Variants in PTPRO observed in about 807,000 individuals in gnomAD.
PTPRO encodes the protein protein tyrosine phosphatase receptor type O.
A neutral mutation model predicts 145.2 loss-of-function variants in PTPRO; 62 were observed. The observed-to-expected ratio is 0.43, with a 90% confidence interval of 0.35 to 0.53. The LOEUF is 0.53. Ranked by LOEUF, PTPRO falls within the 20% of genes least tolerant of loss-of-function variation. PTPRO has a pLI of 0.01. For synonymous variants in PTPRO, 565 were observed against 514.7 expected (o/e 1.10, Z -1.32); for missense variants, 1,345 against 1,482.7 (o/e 0.91, Z 1.53).
chr12:15,387,136 C>T (rs931846936), intron 1 of PTPRO, among the ~76,000 whole-genome samples: 11 of 152,070 alleles, frequency 7.2e-5, no homozygotes, highest in African/African-American at 2.7e-4. Context: ...TGTGTGCACA[C>T]GTATCAAGAA....
chr12:15,578,715 G>A, intron 19 of PTPRO, 138 bp from the exon 20 acceptor site: 1 of 703,336 alleles, frequency 1.4e-6, no homozygotes, highest in South Asian at 1.5e-5. Flanking sequence ...GATGATAGTG[G>A]GGTGGAGTAC....
intron 12 of PTPRO, among the ~76,000 whole-genome samples, chr12:15,545,969 C>T (rs572621161): frequency 1.2e-4 from 18 of 151,162 alleles, no homozygotes; most frequent in Non-Finnish European, 2.4e-4. Flanking sequence ...GAGCTGTGTT[C>T]GCACTACTGC....
chr12:15,546,363 T>C, intron 12 of PTPRO: 1 of 1,405,550 alleles, frequency 7.1e-7, no homozygotes, highest in East Asian at 2.7e-5. Context: ...AGTAAAAAAA[T>C]GGAAGGGGGA....
intron 19 of PTPRO, among the ~76,000 whole-genome samples, chr12:15,574,779 A>G (rs1944142720): frequency 1.3e-5 from 2 of 152,176 alleles, no homozygotes; most frequent in African/African-American, 4.8e-5. Context: ...ATTTTTTGTA[A>G]TCATGCGATT....
chr12:15,508,349 T>C (rs1942365957), intron 6 of PTPRO, among the ~76,000 whole-genome samples: 1 of 152,146 alleles, frequency 6.6e-6, no homozygotes, highest in African/African-American at 2.4e-5. Flanking sequence ...GGCACTTTTG[T>C]TTCTGCTGTT....
intron 13 of PTPRO, 23 bp from the exon 14 acceptor site, chr12:15,549,071 T>C: frequency 3.1e-6 from 5 of 1,611,084 alleles, no homozygotes; most frequent in Non-Finnish European, 4.2e-6. Context: ...ACCTAAAATT[T>C]ACCTTATTTT....
chr12:15,452,523 G>A (rs545507165), intron 1 of PTPRO, among the ~76,000 whole-genome samples: 33 of 152,098 alleles, frequency 2.2e-4, no homozygotes, highest in Non-Finnish European at 1.9e-4. Flanking sequence ...ATACCAAAAC[G>A]GGGAAAGGAC....
chr12:15,467,629 A>T (rs1941446984), intron 1 of PTPRO, among the ~76,000 whole-genome samples: 1 of 152,196 alleles, frequency 6.6e-6, no homozygotes, highest in African/African-American at 2.4e-5. Context: ...CTCTAACCAG[A>T]GGGACCTTCC....
At chr12:15,589,417 C>A in intron 24 of PTPRO, 38 bp from the exon 25 acceptor site, 1 of 1,613,242 alleles carries the variant, frequency 6.2e-7, no homozygotes, top group Non-Finnish European at 8.5e-7. Flanking sequence ...AAAAGAAGCA[C>A]CATCTGAATA....
At chr12:15,500,083 G>GTGGGTGGATGGATGGATGGA (rs148826736) in intron 4 of PTPRO, among the ~76,000 whole-genome samples, 1 of 149,928 alleles carries the variant, frequency 6.7e-6, no homozygotes, top group Non-Finnish European at 1.5e-5. Flanking sequence ...AGATGGATGG[G>GTGGGTGGATGGATGGATGGA]TGGATGGATG....
intron 1 of PTPRO, among the ~76,000 whole-genome samples, chr12:15,345,370 A>G (rs1867165672): frequency 6.6e-6 from 1 of 152,198 alleles, no homozygotes; most frequent in African/African-American, 2.4e-5. Context: ...AATGCCCATC[A>G]ATGATAGACT....
chr12:15,579,021 C>A lies in PTPRO; in HGVS notation c.2920+78C>A, dbSNP rs139377555. On this transcript the variant is annotated intron_variant, in intron 20 of 26. Transcript: ENST00000281171. ...GTCATTGCAGATTAATCAATTTCAC[C>A]AATCTCTGGCCATACCCACTTGTGG... The A allele has an allele frequency of 6.7e-5, 87 of 1,289,654 alleles. No individual in the cohort carries two copies. In the African/African-American group the frequency reaches 1.2e-3, roughly 18 times the overall value. 79.9% of individuals were successfully genotyped at this position (1,289,654 alleles called of 1,614,324 possible). A position where few individuals can be genotyped will look rare whatever the true frequency, so the allele number is the denominator to read the frequency against.
Position 15,595,064 on chromosome 12 carries a change from G to A in PTPRO, c.*16+7G>A. 1 of 1,561,136 alleles carries A rather than the reference G, an allele frequency of 6.4e-7. No homozygotes were observed. The highest frequency in any genetic ancestry group is 8.8e-7 in the Non-Finnish European group (1 of 1,132,402). On this transcript the variant is annotated splice_region_variant and intron_variant, in intron 26 of 26. Coordinates refer to ENST00000281171, the MANE Select transcript of PTPRO (RefSeq NM_030667.3). ...TAGTTCAGAATCCGGAGCAGTAAGT[G>A]GAGAAGAGCTCTCCACGAGTGCTCA... is the stretch of plus-strand genomic sequence containing the variant.
intron 7 of PTPRO, among the ~76,000 whole-genome samples, chr12:15,511,145 T>A (rs983349006): frequency 6.6e-6 from 1 of 152,166 alleles, no homozygotes; most frequent in South Asian, 2.1e-4. Context: ...AACTAAATTC[T>A]CAGGAATGAA....
At chr12:15,469,541 T>C (rs1460908699) in intron 1 of PTPRO, among the ~76,000 whole-genome samples, 1 of 152,112 alleles carries the variant, frequency 6.6e-6, no homozygotes. Flanking sequence ...TTTAAACTTC[T>C]CAGCACAGTA....
At chr12:15,447,799 T>A (rs1940940134) in intron 1 of PTPRO, among the ~76,000 whole-genome samples, 1 of 152,164 alleles carries the variant, frequency 6.6e-6, no homozygotes. Context: ...AGTTCCTGGT[T>A]CCTTGGAAAC....
At chr12:15,415,515 G>A (rs1420206164) in intron 1 of PTPRO, among the ~76,000 whole-genome samples, 2 of 151,868 alleles carry the variant, frequency 1.3e-5, no homozygotes, top group Non-Finnish European at 2.9e-5. Flanking sequence ...CTCCCGAGTA[G>A]CTGGGACTAC....
chr12:15,383,561 G>A (rs987018035), intron 1 of PTPRO, among the ~76,000 whole-genome samples: 1 of 152,092 alleles, frequency 6.6e-6, no homozygotes, highest in African/African-American at 2.4e-5. Context: ...ATACAGCCTC[G>A]GGACATCTTG....
At chr12:15,350,526 C>G (rs1396642220) in intron 1 of PTPRO, among the ~76,000 whole-genome samples, 1 of 152,188 alleles carries the variant, frequency 6.6e-6, no homozygotes, top group African/African-American at 2.4e-5. Context: ...GCTGGTGTTG[C>G]AACTGATTGT....
Sources: gnomAD v4.1 joint callset for allele counts (sites outside exome capture counted in the v4.1 genomes callset) on GRCh38, gnomAD v4.1.1 for gene constraint, MANE v1.5 for transcripts, NCBI Gene and HGNC (gene_info 2026-07-23, HGNC 2026-07-21) for gene names.